Variants in GSE1 observed in about 807,000 individuals in gnomAD.
GSE1 encodes the protein genetic suppressor element 1.
A neutral mutation model predicts 112.6 loss-of-function variants in GSE1; 32 were observed. The ratio of observed to expected loss-of-function variants is 0.28; its 90% CI spans 0.21 to 0.38. The LOEUF is 0.38. Among genes scored for constraint, GSE1 ranks in the 10% least tolerant of loss-of-function variants. GSE1 has a pLI of 1.00. For missense variants in GSE1, 2,348 were observed against 1,699.2 expected (o/e 1.38, Z -6.71); for synonymous variants, 1,115 against 735.6 (o/e 1.52, Z -8.35).
rs896907206 is a variant in GSE1 at position 85,525,054 on chromosome 16, A to G, written c.2465-108860A>G. Among the ~76,000 whole-genome samples, 6 of 152,238 alleles carry G rather than the reference A, an allele frequency of 3.9e-5. No homozygotes were observed. The East Asian group carries it at 7.8e-4, about 20-fold the overall frequency. ...CTGGCTGCCCGCAGCCTCTGCTGCA[A>G]TCGGCCCTCGTGGTTGCGTCACCAC... On this transcript the variant is annotated intron_variant, in intron 2 of 2. Coordinates refer to the GSE1 transcript ENST00000637419.
rs546423833 is a variant in GSE1 at position 85,346,687 on chromosome 16, G to A, written c.2284-10776G>A. Among the ~76,000 whole-genome samples the A allele has an allele frequency of 2.0e-5, 3 of 152,038 alleles. No individual in the cohort carries two copies. In the South Asian group the frequency reaches 6.2e-4, roughly 32 times the overall value. On this transcript the variant is annotated intron_variant, in intron 1 of 2. Coordinates refer to the GSE1 transcript ENST00000637419. ...ATGATGGATGGATGATGGGTGGATG[G>A]ATGAGTGATTGACAGGTAGATGGAT...
intron 1 of GSE1, among the ~76,000 whole-genome samples, chr16:85,631,713 G>A (rs1202040653): frequency 6.6e-6 from 1 of 152,246 alleles, no homozygotes; most frequent in Admixed American, 6.5e-5. Context: ...ATGCTCAGGG[G>A]AGTGACCTCA....
At chr16:85,222,309 A>G (rs1038799130) in intron 1 of GSE1, among the ~76,000 whole-genome samples, 11 of 152,212 alleles carry the variant, frequency 7.2e-5, no homozygotes, top group Non-Finnish European at 1.6e-4. Flanking sequence ...GGCTGGGGCC[A>G]GCGCACGGCT....
At chr16:85,186,997 T>C (rs4516219) in intron 1 of GSE1, among the ~76,000 whole-genome samples, 149,862 of 152,362 alleles carry the variant, frequency 0.98, 73,722 homozygotes, top group East Asian at 1. Flanking sequence ...GGGGTCTGGA[T>C]GAGGCCAGCC....
At chr16:85,423,770 C>A (rs1487878994) in intron 2 of GSE1, among the ~76,000 whole-genome samples, 1 of 152,208 alleles carries the variant, frequency 6.6e-6, no homozygotes, top group Non-Finnish European at 1.5e-5. Flanking sequence ...ATCCACTCTC[C>A]CACCCACCGC....
At chr16:85,243,479 G>A (rs564323089) in intron 1 of GSE1, among the ~76,000 whole-genome samples, 3 of 152,304 alleles carry the variant, frequency 2.0e-5, no homozygotes, top group East Asian at 1.9e-4. Flanking sequence ...AGGCGGTGGC[G>A]TGTGGCTGCT....
At chr16:85,186,127 C>A (rs139130045) in intron 1 of GSE1, among the ~76,000 whole-genome samples, 13 of 152,238 alleles carry the variant, frequency 8.5e-5, no homozygotes, top group African/African-American at 2.9e-4. Context: ...GGAGACTGAC[C>A]CTCCACCCAT....
At chr16:85,301,236 GA>G (rs2045515234) in intron 1 of GSE1, among the ~76,000 whole-genome samples, 1 of 152,228 alleles carries the variant, frequency 6.6e-6, no homozygotes, top group African/African-American at 2.4e-5. Flanking sequence ...TCCATTTTAT[GA>G]GCCTTTTGGG....
chr16:85,198,940 G>A (rs987623837), intron 1 of GSE1, among the ~76,000 whole-genome samples: 215 of 151,434 alleles, frequency 1.4e-3, no homozygotes, highest in African/African-American at 4.4e-3. Context: ...CACCACACCC[G>A]GCTAATTTTT....
chr16:85,434,291 T>A (rs1017508219), intron 2 of GSE1, among the ~76,000 whole-genome samples: 2 of 147,510 alleles, frequency 1.4e-5, no homozygotes, highest in African/African-American at 5.1e-5. Flanking sequence ...GGCCTAGGAG[T>A]CACTAGGATG....
At position 85,382,929 on chromosome 16, in the gene GSE1, C is replaced by T. The variant is rs572978627; in HGVS notation, c.2464+25286C>T. Among the ~76,000 whole-genome samples the T allele has an allele frequency of 2.8e-3, 426 of 151,466 alleles. 2 individuals are homozygous for T. Among genetic ancestry groups the T allele is most frequent in the African/African-American group, 9.4e-3 (388 of 41,214 alleles). On this transcript the variant is annotated intron_variant, in intron 2 of 2. Transcript: ENST00000637419. Reference sequence around the variant, plus strand: ...TTGTGCACACATACATGCACACACGCGCACACAACACGTACACATGCACAC... The same window carrying T: ...TTGTGCACACATACATGCACACACGTGCACACAACACGTACACATGCACAC...
chr16:85,614,324 G>C (rs1415629276), intron 1 of GSE1, among the ~76,000 whole-genome samples: 1 of 152,108 alleles, frequency 6.6e-6, no homozygotes, highest in African/African-American at 2.4e-5. Flanking sequence ...CTCCTCGGCC[G>C]CCCGCCCGCC....
chr16:85,518,784 TA>T (rs1376220521), intron 2 of GSE1, among the ~76,000 whole-genome samples: 1 of 151,992 alleles, frequency 6.6e-6, no homozygotes. Flanking sequence ...CCCTGTGGTA[TA>T]AAAAGGACCT....
rs546178432 is a variant in GSE1, at chr16:85,286,258, C to T, written c.2284-71205C>T. 2.0e-5 allele frequency among the ~76,000 whole-genome samples: 3 copies of T among 152,348 alleles called. No individual in the cohort carries two copies. The South Asian group carries it at 6.2e-4, about 32-fold the overall frequency. The stretch of plus-strand genomic sequence containing the variant: ...TTTCCAATACGGGGTTCAGGCGGGT[C>T]GGCCCACGGGCTGGCAGAGGCTCTC... On this transcript the variant is annotated intron_variant, in intron 1 of 2. Coordinates refer to the GSE1 transcript ENST00000637419.
At chr16:85,463,105 C>G (rs149882107) in intron 2 of GSE1, 13,509 of 985,152 alleles carry the variant, frequency 0.014, 97 homozygotes, top group Non-Finnish European at 0.015. Flanking sequence ...AAGACCTGGT[C>G]GTCTCTGCTC....
At chr16:85,262,471 G>T (rs1907800441) in intron 1 of GSE1, among the ~76,000 whole-genome samples, 1 of 152,206 alleles carries the variant, frequency 6.6e-6, no homozygotes, top group African/African-American at 2.4e-5. Context: ...CGGCCCTGAA[G>T]CCGCATGCCG....
chr16:85,511,164 G>C (rs1203482114), intron 2 of GSE1, among the ~76,000 whole-genome samples: 1 of 152,200 alleles, frequency 6.6e-6, no homozygotes, highest in Non-Finnish European at 1.5e-5. Context: ...GTGGCCATCT[G>C]AGCTGGACTC....
At chr16:85,418,945 G>C (rs960278849) in intron 2 of GSE1, among the ~76,000 whole-genome samples, 2 of 152,198 alleles carry the variant, frequency 1.3e-5, no homozygotes, top group African/African-American at 4.8e-5. Flanking sequence ...TGGAAGGTTA[G>C]TGTTGCCAGG....
rs576261000 is a variant in GSE1 at position 85,514,426 on chromosome 16, TC to T, written c.2465-119478del. 6.8e-3 allele frequency among the ~76,000 whole-genome samples: 400 copies of T among 58,882 alleles called. 13 individuals are homozygous for T. Among genetic ancestry groups the T allele is most frequent in the Middle Eastern group, 0.028 (3 of 106 alleles). 38.6% of individuals were successfully genotyped at this position (58,882 alleles called of 152,430 possible). Reference sequence around the variant, plus strand: ...CCCAGGATGCCCGCATGCTCTCGAGTCCCCCCCCCCACCCCAGGGCAGCTCC... The same window carrying T: ...CCCAGGATGCCCGCATGCTCTCGAGTCCCCCCCCCACCCCAGGGCAGCTCC... On this transcript the variant is annotated intron_variant, in intron 2 of 2. Transcript: ENST00000637419.
Sources: gnomAD v4.1 joint callset for allele counts (sites outside exome capture counted in the v4.1 genomes callset) on GRCh38, gnomAD v4.1.1 for gene constraint, MANE v1.5 for transcripts, NCBI Gene and HGNC (gene_info 2026-07-23, HGNC 2026-07-21) for gene names.